DCDC2: variants seen among roughly 807,000 people sequenced by gnomAD.
DCDC2 encodes the protein doublecortin domain containing 2, also known as doublecortin domain-containing protein 2.
DCDC2 carries 40 observed loss-of-function variants against 50.2 expected under a neutral mutation model. That is an observed-to-expected ratio of 0.80 (90% CI 0.62 to 1.04). The LOEUF is 1.04. Ranked by LOEUF, DCDC2 falls within the 50% of genes least tolerant of loss-of-function variation. The probability of loss-of-function intolerance (pLI) is 0.00; values close to 1 mark genes in which losing one functional copy is unlikely to be tolerated. For synonymous variants in DCDC2, 234 were observed against 210.6 expected (o/e 1.11, Z -0.96); for missense variants, 570 against 581.9 (o/e 0.98, Z 0.21).
intron 7 of DCDC2, 66 bp downstream of exon 7, chr6:24,277,983 G>A (rs1473398984): frequency 1.5e-6 from 2 of 1,320,520 alleles, no homozygotes; most frequent in Admixed American, 2.3e-5. Context: ...TGGGCCCAGA[G>A]AAACAATGGA....
At position 24,338,802 on chromosome 6, in the gene DCDC2, C is replaced by T. The variant is rs113976632; in HGVS notation, c.348+14767G>A. ...CTGGGATTACAGGCACACACCACCA[C>T]GCCCAGCTAATTTTTGTATTTTTAG... is the stretch of plus-strand genomic sequence containing the variant. On this transcript the variant is annotated intron_variant, in intron 2 of 9. Coordinates refer to ENST00000378454, the MANE Select transcript of DCDC2 (RefSeq NM_016356.5). Among the ~76,000 whole-genome samples the T allele has an allele frequency of 7.9e-5, 12 of 152,116 alleles. No homozygotes were observed. In the South Asian group the frequency reaches 1.0e-3, roughly 13 times the overall value.
chr6:24,293,728 A>G (rs1384210756), intron 4 of DCDC2, among the ~76,000 whole-genome samples: 1 of 152,192 alleles, frequency 6.6e-6, no homozygotes, highest in Non-Finnish European at 1.5e-5. Context: ...CAGAATATAC[A>G]TTTTTCTTAT....
intron 2 of DCDC2, among the ~76,000 whole-genome samples, chr6:24,325,526 G>A (rs1157005058): frequency 6.7e-6 from 1 of 149,506 alleles, no homozygotes; most frequent in Non-Finnish European, 1.5e-5. Flanking sequence ...CCATTTCTGT[G>A]AGGTTGTTCC....
chr6:24,224,323 G>C lies in DCDC2; in HGVS notation c.923-19221C>G, dbSNP rs148480967. 5.4e-4 allele frequency among the ~76,000 whole-genome samples: 82 copies of C among 152,292 alleles called. 1 individual carries two copies. The Middle Eastern group carries it at 0.01, about 19-fold the overall frequency. ...TAGACTCTAAAGATACAAAGAACCA[G>C]AGCCCTGCGCTTCAAAAGGAAATGG... is the stretch of plus-strand genomic sequence containing the variant. On this transcript the variant is annotated intron_variant, in intron 7 of 9. Coordinates refer to ENST00000378454, the MANE Select transcript of DCDC2 (RefSeq NM_016356.5).
intron 2 of DCDC2, among the ~76,000 whole-genome samples, chr6:24,337,833 G>T (rs1467195516): frequency 2.0e-5 from 3 of 148,702 alleles, no homozygotes; most frequent in African/African-American, 7.4e-5. Context: ...GAAATTGAAA[G>T]AATATTTTAT....
At chr6:24,192,206 C>A (rs1205898070) in intron 8 of DCDC2, among the ~76,000 whole-genome samples, 2 of 152,196 alleles carry the variant, frequency 1.3e-5, no homozygotes, top group Admixed American at 6.5e-5. Flanking sequence ...TGATCCATGC[C>A]TCTTTCTCAC....
chr6:24,310,468 C>G (rs1052347159), intron 2 of DCDC2, among the ~76,000 whole-genome samples: 4 of 152,296 alleles, frequency 2.6e-5, no homozygotes, highest in African/African-American at 9.6e-5. Context: ...GTTTCCTATA[C>G]CAACAACTCC....
At chr6:24,319,036 A>G (rs1759724921) in intron 2 of DCDC2, among the ~76,000 whole-genome samples, 1 of 152,104 alleles carries the variant, frequency 6.6e-6, no homozygotes, top group Non-Finnish European at 1.5e-5. Context: ...GTACTAATTT[A>G]CATTCCCACC....
intron 7 of DCDC2, among the ~76,000 whole-genome samples, chr6:24,263,418 A>G (rs1438414410): frequency 3.9e-5 from 6 of 152,194 alleles, no homozygotes; most frequent in African/African-American, 1.4e-4. Flanking sequence ...ACAATCCCAG[A>G]GTGATACAGA....
intron 7 of DCDC2, among the ~76,000 whole-genome samples, chr6:24,259,135 A>AG (rs1271776901): frequency 6.6e-6 from 1 of 151,912 alleles, no homozygotes; most frequent in Non-Finnish European, 1.5e-5. Flanking sequence ...AGACATGTGA[A>AG]AAAAAAACAG....
intron 2 of DCDC2, among the ~76,000 whole-genome samples, chr6:24,340,418 C>T (rs983832072): frequency 5.9e-5 from 9 of 152,142 alleles, no homozygotes; most frequent in Non-Finnish European, 1.2e-4. Context: ...TTTTCATATA[C>T]TATTTGACTA....
chr6:24,344,907 T>A (rs1760227875), intron 2 of DCDC2, among the ~76,000 whole-genome samples: 1 of 152,034 alleles, frequency 6.6e-6, no homozygotes, highest in South Asian at 2.1e-4. Flanking sequence ...TATATCAGAG[T>A]GGTGGGGGAA....
intron 8 of DCDC2, among the ~76,000 whole-genome samples, chr6:24,200,890 C>A (rs1171946483): frequency 4.7e-5 from 7 of 150,424 alleles, no homozygotes; most frequent in Non-Finnish European, 1.0e-4. Context: ...TTTAAGCCAA[C>A]AAAGAACAAA....
chr6:24,264,705 G>A (rs945039160), intron 7 of DCDC2, among the ~76,000 whole-genome samples: 1 of 148,894 alleles, frequency 6.7e-6, no homozygotes, highest in Admixed American at 6.8e-5. Flanking sequence ...GAAGACAGAA[G>A]AGAAGAGAAG....
At position 24,290,245 on chromosome 6, in the gene DCDC2, G is replaced by A. The variant is rs917228464; in HGVS notation, c.704+687C>T. ...CCTGACCTCGTGATCCGCCCGCCTC[G>A]GCCTCCCAGAGTGCTGGGATTACAG... On this transcript the variant is annotated intron_variant, in intron 5 of 9. Transcript: ENST00000378454. Among the ~76,000 whole-genome samples the A allele has an allele frequency of 9.2e-5, 14 of 151,486 alleles. 1 individual carries two copies. The South Asian group carries it at 1.3e-3, about 14-fold the overall frequency.
In DCDC2 at chr6:24,173,015, A is replaced by C. The variant is rs1760818263; in HGVS notation, c.*1715T>G. On this transcript the variant is annotated 3_prime_UTR_variant, in exon 10 of 10. Coordinates refer to ENST00000378454, the MANE Select transcript of DCDC2 (RefSeq NM_016356.5). ...AATAATAATAATAATAATAATAATA[A>C]TAATAAAGATCAATTGGTCTATTTG... 6.6e-6 allele frequency: 1 copy of C among 150,478 alleles called. No individual in the cohort carries two copies. The highest frequency in any genetic ancestry group is 2.4e-5 in the African/African-American group (1 of 41,136). 9.3% of individuals were successfully genotyped at this position (150,478 alleles called of 1,614,324 possible). A position where few individuals can be genotyped will look rare whatever the true frequency, so the allele number is the denominator to read the frequency against.
At chr6:24,269,476 T>C (rs902263323) in intron 7 of DCDC2, among the ~76,000 whole-genome samples, 2 of 152,180 alleles carry the variant, frequency 1.3e-5, no homozygotes, top group African/African-American at 4.8e-5. Context: ...ATTATGACTA[T>C]TGGAAGAAAA....
At chr6:24,357,172 C>T (rs1760485085) in intron 1 of DCDC2, 1 of 306,536 alleles carries the variant, frequency 3.3e-6, no homozygotes, top group Admixed American at 4.7e-5. Context: ...TCAGTTTGGT[C>T]ACTAACCTTT....
the DCDC2 span, among the ~76,000 whole-genome samples, chr6:24,379,131 C>T: frequency 1.3e-5 from 2 of 151,980 alleles, no homozygotes; most frequent in Non-Finnish European, 2.9e-5. Context: ...AGGACATAGG[C>T]ATGGGCAAAG....
Sources: gnomAD v4.1 joint callset for allele counts (sites outside exome capture counted in the v4.1 genomes callset) on GRCh38, gnomAD v4.1.1 for gene constraint, MANE v1.5 for transcripts, NCBI Gene and HGNC (gene_info 2026-07-23, HGNC 2026-07-21) for gene names.